The following PTPRJ variants were observed in gnomAD, a reference collection of about 807,000 sequenced individuals.
PTPRJ encodes the protein receptor-type tyrosine-protein phosphatase eta.
PTPRJ carries 129 observed loss-of-function variants against 141.3 expected under a neutral mutation model. The ratio of observed to expected loss-of-function variants is 0.91; its 90% CI spans 0.79 to 1.06. The LOEUF (loss-of-function observed/expected upper bound fraction) is 1.06. PTPRJ is among the 50% of genes least tolerant of loss of function. PTPRJ has a pLI of 0.00. For missense variants in PTPRJ, 1,601 were observed against 1,679.7 expected (o/e 0.95, Z 0.82); for synonymous variants, 610 against 640.5 (o/e 0.95, Z 0.72).
intron 11 of PTPRJ, among the ~76,000 whole-genome samples, chr11:48,141,065 G>A (rs1857219363): frequency 6.6e-6 from 1 of 152,152 alleles, no homozygotes; most frequent in Non-Finnish European, 1.5e-5. Flanking sequence ...CAGGCTGGGC[G>A]TGGTGGCTTA....
chr11:48,033,033 C>T (rs1228657360), intron 1 of PTPRJ, among the ~76,000 whole-genome samples: 3 of 150,288 alleles, frequency 2.0e-5, no homozygotes, highest in Non-Finnish European at 4.4e-5. Context: ...GCTTGGGCAA[C>T]ATAGTGAGAC....
chr11:48,026,402 T>C (rs191050356), intron 1 of PTPRJ, among the ~76,000 whole-genome samples: 204 of 151,990 alleles, frequency 1.3e-3, no homozygotes, highest in African/African-American at 4.7e-3. Context: ...TAAAACCCTA[T>C]CTCTGACTTG....
chr11:48,085,108 T>C (rs1456163812), intron 1 of PTPRJ, among the ~76,000 whole-genome samples: 1 of 152,206 alleles, frequency 6.6e-6, no homozygotes, highest in Non-Finnish European at 1.5e-5. Flanking sequence ...AAATACTCCC[T>C]TTCTCAACTG....
chr11:48,045,507 T>C (rs573934613), intron 1 of PTPRJ, among the ~76,000 whole-genome samples: 25 of 152,318 alleles, frequency 1.6e-4, no homozygotes, highest in African/African-American at 6.0e-4. Flanking sequence ...AAGTAATAAA[T>C]GGAAACCGTT....
At chr11:48,159,094 T>TGA (rs1565333132) in intron 21 of PTPRJ, among the ~76,000 whole-genome samples, 1 of 141,878 alleles carries the variant, frequency 7.0e-6, no homozygotes, top group Non-Finnish European at 1.5e-5. Flanking sequence ...TGTGTGTATG[T>TGA]GGGGTGTGTG....
chr11:48,090,187 C>A (rs913595801), intron 1 of PTPRJ, among the ~76,000 whole-genome samples: 2 of 152,184 alleles, frequency 1.3e-5, no homozygotes, highest in Admixed American at 1.3e-4. Flanking sequence ...CAGCACTTGT[C>A]CCCTACCCAG....
intron 1 of PTPRJ, among the ~76,000 whole-genome samples, chr11:48,006,926 T>C (rs1288698886): frequency 1.3e-5 from 2 of 152,098 alleles, no homozygotes; most frequent in African/African-American, 2.4e-5. Context: ...TTTAATGAAA[T>C]GAATACCTTT....
chr11:48,145,176 G>A (rs1242049073), intron 14 of PTPRJ, 52 bp downstream of exon 14: 9 of 1,610,044 alleles, frequency 5.6e-6, no homozygotes, highest in Admixed American at 1.7e-5. Flanking sequence ...TTTGCTCCAC[G>A]TGTCCATAGA....
In PTPRJ at chr11:48,098,514, T is replaced by TCC. The variant is rs1274211048; in HGVS notation, c.97-11543_97-11542insCC. Among the ~76,000 whole-genome samples, 2 of 37,028 alleles carry TCC rather than the reference T, an allele frequency of 5.4e-5. 1 individual carries two copies. Among genetic ancestry groups the TCC allele is most frequent in the African/African-American group, 1.0e-4 (2 of 19,068 alleles). 24.3% of individuals were successfully genotyped at this position (37,028 alleles called of 152,430 possible). On this transcript the variant is annotated intron_variant, in intron 1 of 24. Transcript: ENST00000418331. Reference sequence around the variant, plus strand: ...TGGACCCACATTTCAAATCATTTTATCTCTTTTTTTTTTTTTTTTTTTTTG... The same window carrying TCC: ...TGGACCCACATTTCAAATCATTTTATCCCTCTTTTTTTTTTTTTTTTTTTTTG...
At chr11:47,995,259 T>A (rs747757999) in intron 1 of PTPRJ, among the ~76,000 whole-genome samples, 1 of 152,242 alleles carries the variant, frequency 6.6e-6, no homozygotes, top group Non-Finnish European at 1.5e-5. Context: ...ATATTTATCA[T>A]CAACTGTTGT....
chr11:48,140,789 A>G (rs755028687), intron 11 of PTPRJ, among the ~76,000 whole-genome samples: 5 of 152,204 alleles, frequency 3.3e-5, no homozygotes. Context: ...TTAACTTAGT[A>G]TATTAAAAGT....
chr11:48,014,362 G>A (rs1565258035), intron 1 of PTPRJ: 1 of 152,128 alleles, frequency 6.6e-6, no homozygotes, highest in African/African-American at 2.4e-5. Context: ...AGAGGGAAGG[G>A]GATATAAAAC....
chr11:48,013,627 G>A (rs1188112098), intron 1 of PTPRJ, among the ~76,000 whole-genome samples: 1 of 152,160 alleles, frequency 6.6e-6, no homozygotes, highest in Non-Finnish European at 1.5e-5. Flanking sequence ...TGGGAGTTGG[G>A]GTGGTGGCAT....
intron 1 of PTPRJ, among the ~76,000 whole-genome samples, chr11:48,035,332 A>G (rs1854092517): frequency 6.6e-6 from 1 of 152,180 alleles, no homozygotes; most frequent in East Asian, 1.9e-4. Flanking sequence ...AAAGCACCGC[A>G]GATCTCCTTT....
chr11:48,070,116 G>A (rs1855206089), intron 1 of PTPRJ, among the ~76,000 whole-genome samples: 1 of 152,126 alleles, frequency 6.6e-6, no homozygotes, highest in South Asian at 2.1e-4. Context: ...CCATATCTTT[G>A]GTTGGGCATC....
chr11:48,002,564 GA>G (rs1854528383), intron 1 of PTPRJ, among the ~76,000 whole-genome samples: 1 of 152,026 alleles, frequency 6.6e-6, no homozygotes, highest in African/African-American at 2.4e-5. Context: ...AAAACCCCAA[GA>G]AAACAAAAAA....
intron 1 of PTPRJ, among the ~76,000 whole-genome samples, chr11:48,010,188 T>A (rs1159010104): frequency 3.3e-5 from 5 of 151,662 alleles, no homozygotes; most frequent in Non-Finnish European, 7.4e-5. Context: ...TATTTATTTA[T>A]TTTTTTTGAG....
chr11:48,021,240 G>A (rs1855110876), intron 1 of PTPRJ, among the ~76,000 whole-genome samples: 2 of 152,168 alleles, frequency 1.3e-5, no homozygotes, highest in South Asian at 4.1e-4. Flanking sequence ...CGGGCGTGTT[G>A]GCATGTGCCT....
At chr11:48,027,758 T>A (rs1853859406) in intron 1 of PTPRJ, among the ~76,000 whole-genome samples, 1 of 122,644 alleles carries the variant, frequency 8.2e-6, no homozygotes. Context: ...GCCACTGCAC[T>A]CTGGCCTGGG....
Sources: allele counts gnomAD v4.1 joint callset (sites outside exome capture counted in the v4.1 genomes callset), GRCh38; gene constraint gnomAD v4.1.1; transcripts MANE v1.5; gene names NCBI Gene and HGNC (gene_info 2026-07-23, HGNC 2026-07-21).